Variants in ABCG8 observed in about 807,000 individuals in gnomAD.
The protein encoded by ABCG8 is ATP binding cassette subfamily G member 8.
In ABCG8, 81 loss-of-function variants were observed where a neutral mutation model predicts 71.3. That is an observed-to-expected ratio of 1.14 (90% confidence interval 0.95 to 1.37). The LOEUF is 1.37. Among genes scored for constraint, ABCG8 ranks in the 40% most tolerant of loss-of-function variants. The pLI, the probability that ABCG8 is intolerant of heterozygous loss-of-function variation, is 0.00. For missense variants in ABCG8, 1,119 were observed against 866.2 expected (o/e 1.29, Z -3.66); for synonymous variants, 451 against 354.7 (o/e 1.27, Z -3.05).
intron 6 of ABCG8, among the ~76,000 whole-genome samples, chr2:43,864,529 T>G (rs1214241432): frequency 1.3e-5 from 2 of 151,840 alleles, no homozygotes; most frequent in African/African-American, 4.8e-5. Context: ...ACCATCTGTC[T>G]GGGTAGAATT....
At chr2:43,875,063 G>T (rs1413224529) in intron 10 of ABCG8, 83 bp from the exon 11 acceptor site, 16 of 1,589,358 alleles carry the variant, frequency 1.0e-5, no homozygotes, top group Non-Finnish European at 1.4e-5. Flanking sequence ...GTTGCTATCT[G>T]GGGGCACTGC....
Position 43,878,191 on chromosome 2 carries a change from G to C in ABCG8, c.*278G>C, listed in dbSNP as rs1670025921. 2.1e-6 allele frequency: 1 copy of C among 485,472 alleles called. No homozygotes were observed. The allele number at this position is 485,472 out of a possible 1,614,324, so 30.1% of individuals were successfully genotyped here. ...CAACGTTGCTAATTTATTTCCTTTTGATATGCATTTATATAGGCAACTCGA... is the reference window on the plus strand; with the variant it reads ...CAACGTTGCTAATTTATTTCCTTTTCATATGCATTTATATAGGCAACTCGA... On this transcript the variant is annotated 3_prime_UTR_variant, in exon 13 of 13. Transcript: ENST00000272286.
rs774641435 is a variant in ABCG8 at position 43,874,478 on chromosome 2, G to T, written c.1483G>T (p.Ala495Ser). Residue 495 changes from alanine to serine, a missense_variant, in exon 10 of 13, where the codon GCC becomes TCC. Coordinates refer to ENST00000272286, the MANE Select transcript of ABCG8 (RefSeq NM_022437.3). ...GLYTTGPYFF[A>S]KILGELPEHC... ...GTACACCACTGGTCCATATTTCTTT[G>T]CCAAGGTGACTGGGCAGGGTTGAGA... The T allele has an allele frequency of 1.2e-6, 2 of 1,612,168 alleles. No homozygotes were observed. The highest frequency in any genetic ancestry group is 1.7e-6 in the Non-Finnish European group (2 of 1,179,328).
chr2:43,875,042 C>A, intron 10 of ABCG8, 104 bp from the exon 11 acceptor site: 1 of 1,522,100 alleles, frequency 6.6e-7, no homozygotes, highest in Non-Finnish European at 9.0e-7. Flanking sequence ...TCATCATCAC[C>A]AGGAGGGAAG....
Position 43,839,113 on chromosome 2 carries a change from C to T in ABCG8, c.60C>T (p.Thr20=), listed in dbSNP as rs1558785382. Residue 20 remains threonine, a synonymous_variant, in exon 1 of 13, where the codon ACC becomes ACT. Transcript: ENST00000272286. The part of the protein sequence containing the change: ...GLPKGATPQD[T]SGLQDRLFSS... Reference sequence around the variant, plus strand: ...CGAAAGGGGCCACTCCCCAGGATACCTCGGTGAGTGAGCAATGGGAAGTCG... The same window carrying T: ...CGAAAGGGGCCACTCCCCAGGATACTTCGGTGAGTGAGCAATGGGAAGTCG... 3 of 1,551,238 alleles carry T rather than the reference C, an allele frequency of 1.9e-6. No homozygotes were observed. Among genetic ancestry groups the T allele is most frequent in the Middle Eastern group, 1.7e-4 (1 of 5,976 alleles).
intron 11 of ABCG8, among the ~76,000 whole-genome samples, chr2:43,876,733 T>G (rs1471933654): frequency 6.9e-6 from 1 of 144,630 alleles, no homozygotes; most frequent in Non-Finnish European, 1.5e-5. Context: ...GGGGAGACTG[T>G]GGGAATATGG....
intron 6 of ABCG8, among the ~76,000 whole-genome samples, chr2:43,856,278 A>C (rs1398074969): frequency 6.6e-6 from 1 of 151,936 alleles, no homozygotes; most frequent in Non-Finnish European, 1.5e-5. Flanking sequence ...ATCTGGATGG[A>C]ATTCTCACTC....
At chr2:43,854,524 G>T (rs1218918684) in intron 6 of ABCG8, among the ~76,000 whole-genome samples, 1 of 151,922 alleles carries the variant, frequency 6.6e-6, no homozygotes, top group African/African-American at 2.4e-5. Context: ...CTACTTGGGA[G>T]GCTGAGGCAC....
chr2:43,860,680 A>G (rs1287641076), intron 6 of ABCG8, among the ~76,000 whole-genome samples: 1 of 147,244 alleles, frequency 6.8e-6, no homozygotes, highest in African/African-American at 2.5e-5. Context: ...TCTGGGTAGA[A>G]CTCTGACAAT....
Position 43,846,294 on chromosome 2 carries a change from C to T in ABCG8, c.305C>T (p.Ala102Val). The T allele has an allele frequency of 6.2e-7, 1 of 1,614,132 alleles. No individual in the cohort carries two copies. The highest frequency in any genetic ancestry group is 8.5e-7 in the Non-Finnish European group (1 of 1,180,016). Residue 102 changes from alanine to valine, a missense_variant, in exon 3 of 13, where the codon GCC becomes GTC. Physicochemically the swap from Ala to Val is moderately conservative, Grantham distance 64 (BLOSUM62 0). Transcript: ENST00000272286. ...SFKVRSGQML[A>V]IIGSSGCGRA... ...AAAGTGAGAAGTGGGCAGATGCTGG[C>T]CATCATAGGGAGCTCAGGTACCGGA...
intron 1 of ABCG8, among the ~76,000 whole-genome samples, chr2:43,843,769 C>G (rs1053858994): frequency 6.6e-6 from 1 of 152,154 alleles, no homozygotes; most frequent in Non-Finnish European, 1.5e-5. Context: ...TAATACCATT[C>G]AAAGGTATCA....
rs575085030 is a variant in ABCG8 at position 43,853,079 on chromosome 2, A to T, written c.964+211A>T. On this transcript the variant is annotated intron_variant, in intron 6 of 12. Coordinates refer to ENST00000272286, the MANE Select transcript of ABCG8 (RefSeq NM_022437.3). ...AAATAGAAGCTTCTGACAAAGAGCT[A>T]CCCTTCTGTGCATGATAGATTAGAA... Among the ~76,000 whole-genome samples, 21 of 152,278 alleles carry T rather than the reference A, an allele frequency of 1.4e-4. No homozygotes were observed. In the South Asian group the frequency reaches 3.9e-3, roughly 29 times the overall value.
At position 43,876,910 on chromosome 2, in the gene ABCG8, G is replaced by A. The variant is rs931896621; in HGVS notation, c.1757-651G>A. On this transcript the variant is annotated intron_variant, in intron 11 of 12. Transcript: ENST00000272286. Reference sequence around the variant, plus strand: ...ACCATGGGAATATGGGGAGACTGTGGGAATATGGGGAGATCATGTGAATAT... The same window carrying A: ...ACCATGGGAATATGGGGAGACTGTGAGAATATGGGGAGATCATGTGAATAT... Among the ~76,000 whole-genome samples, 3 of 148,980 alleles carry A rather than the reference G, an allele frequency of 2.0e-5. No homozygotes were observed. In the South Asian group the frequency reaches 6.5e-4, roughly 32 times the overall value.
At chr2:43,843,418 G>T (rs1355974797) in intron 1 of ABCG8, among the ~76,000 whole-genome samples, 1 of 152,214 alleles carries the variant, frequency 6.6e-6, no homozygotes, top group Admixed American at 6.5e-5. Flanking sequence ...GTCAGACGAG[G>T]TGGTTCACCC....
At position 43,877,685 on chromosome 2, in the gene ABCG8, T is replaced by G. The variant is rs1356452484; in HGVS notation, c.1881T>G (p.Asp627Glu). The change falls in exon 12 of 13, where the codon GAT (aspartate) becomes GAG (glutamate). Residue 627 changes from aspartate (D) to glutamate (E), a missense_variant. By Grantham distance (45) the Asp-to-Glu change is conservative. Coordinates refer to ENST00000272286, the MANE Select transcript of ABCG8 (RefSeq NM_022437.3). ...LGNLTIAVSG[D>E]KILSVMELDS... ...ACCTCACCATCGCGGTCTCAGGAGATAAAGTAAGCGGGGAAGGCCTCGGGT... is the reference window on the plus strand; with the variant it reads ...ACCTCACCATCGCGGTCTCAGGAGAGAAAGTAAGCGGGGAAGGCCTCGGGT... 3 of 1,613,962 alleles carry G rather than the reference T, an allele frequency of 1.9e-6. No homozygotes were observed. Among genetic ancestry groups the G allele is most frequent in the Non-Finnish European group, 2.5e-6 (3 of 1,179,968 alleles).
rs893339383 is a variant in ABCG8, at chr2:43,881,242, A to G, written c.*3329A>G. 3 of 152,266 alleles carry G rather than the reference A, an allele frequency of 2.0e-5. No homozygotes were observed. Among genetic ancestry groups the G allele is most frequent in the East Asian group, 1.9e-4 (1 of 5,200 alleles). 9.4% of individuals were successfully genotyped at this position (152,266 alleles called of 1,614,324 possible). A position where few individuals can be genotyped will look rare whatever the true frequency, so the allele number is the denominator to read the frequency against. On this transcript the variant is annotated 3_prime_UTR_variant, in exon 13 of 13. Coordinates refer to ENST00000272286, the MANE Select transcript of ABCG8 (RefSeq NM_022437.3). ...GTGCAAAGGCAGGAGGGATGGAGAA[A>G]ATATAGCAGCTGCCATTTATTTGTG...
At chr2:43,858,724 G>A (rs567706518) in intron 6 of ABCG8, among the ~76,000 whole-genome samples, 85 of 128,486 alleles carry the variant, frequency 6.6e-4, no homozygotes, top group African/African-American at 2.2e-3. Flanking sequence ...AATTCTCACC[G>A]TCTGGGTAGA....
chr2:43,851,926 G>C, intron 4 of ABCG8, 104 bp downstream of exon 4: 1 of 1,334,496 alleles, frequency 7.5e-7, no homozygotes, highest in South Asian at 1.2e-5. Flanking sequence ...CGCAGGTCGA[G>C]TTTGAACAAC....
chr2:43,851,967 A>G (rs1558809466), intron 4 of ABCG8, 145 bp downstream of exon 4: 4 of 947,676 alleles, frequency 4.2e-6, no homozygotes, highest in Non-Finnish European at 6.7e-6. Flanking sequence ...CCTGGGCTGC[A>G]GCCCACCCTC....
Sources: gnomAD v4.1 joint callset for allele counts (sites outside exome capture counted in the v4.1 genomes callset) on GRCh38, gnomAD v4.1.1 for gene constraint, MANE v1.5 for transcripts, NCBI Gene and HGNC (gene_info 2026-07-23, HGNC 2026-07-21) for gene names.